CCDC170: variants seen among roughly 807,000 people sequenced by gnomAD.
CCDC170 encodes coiled-coil domain-containing protein 170.
CCDC170 carries 69 observed loss-of-function variants against 72.6 expected under a neutral mutation model. The observed-to-expected ratio is 0.95, with a 90% CI of 0.78 to 1.16. The LOEUF is 1.16. Ranked by LOEUF, CCDC170 falls within the 50% of genes most tolerant of loss-of-function variation. CCDC170 has a pLI of 0.00. For synonymous variants in CCDC170, 300 were observed against 303.9 expected (o/e 0.99, Z 0.13); for missense variants, 852 against 832.5 (o/e 1.02, Z -0.29).
At chr6:151,546,195 G>A (rs1410164765) in intron 4 of CCDC170, among the ~76,000 whole-genome samples, 2 of 152,140 alleles carry the variant, frequency 1.3e-5, no homozygotes, top group African/African-American at 4.8e-5. Context: ...TCCACTTCAC[G>A]GATGGGTTTT....
At chr6:151,617,002 A>G in intron 10 of CCDC170, among the ~76,000 whole-genome samples, 1 of 152,222 alleles carries the variant, frequency 6.6e-6, no homozygotes, top group East Asian at 1.9e-4. Flanking sequence ...AATAGCTAAA[A>G]ACCATTCCCA....
At chr6:151,511,964 A>G (rs1410490376) in intron 1 of CCDC170, among the ~76,000 whole-genome samples, 1 of 151,888 alleles carries the variant, frequency 6.6e-6, no homozygotes, top group Admixed American at 6.6e-5. Flanking sequence ...CTCCCACCTC[A>G]GCCTCCTGAG....
chr6:151,526,452 C>A (rs1782412058), intron 1 of CCDC170, among the ~76,000 whole-genome samples: 1 of 151,634 alleles, frequency 6.6e-6, no homozygotes, highest in South Asian at 2.1e-4. Context: ...AATCTCTTGA[C>A]CTAGTGATCC....
chr6:151,523,515 G>A (rs2001575), intron 1 of CCDC170, among the ~76,000 whole-genome samples: 13,343 of 151,744 alleles, frequency 0.088, 770 homozygotes, highest in African/African-American at 0.16. Context: ...GTGAAACCCC[G>A]TCTCTACTAA....
chr6:151,585,228 G>A (rs778829315), intron 6 of CCDC170, among the ~76,000 whole-genome samples: 1 of 152,106 alleles, frequency 6.6e-6, no homozygotes, highest in Non-Finnish European at 1.5e-5. Flanking sequence ...ACATGGGACA[G>A]TACTCAGATT....
rs1309169075 is a variant in CCDC170 at position 151,573,343 on chromosome 6, C to A, written c.944C>A (p.Ala315Glu). The A allele has an allele frequency of 2.5e-6, 4 of 1,614,028 alleles. No homozygotes were observed. The highest frequency in any genetic ancestry group is 1.6e-4 in the Middle Eastern group (1 of 6,084). ...AAGAGTTTGAAGGCCAGTCAGGATG[C>A]AGTCACAACCTCACAAAGCCAGTAC... ...LEKSLKASQD[A>E]VTTSQSQYFS... The change falls in exon 6 of 11, where the codon GCA becomes GAA. Residue 315 changes from alanine to glutamate, a missense_variant. By Grantham distance (107) the Ala-to-Glu change is moderately radical. Transcript: ENST00000239374.
chr6:151,577,047 C>T (rs1373921793), intron 6 of CCDC170, among the ~76,000 whole-genome samples: 4 of 152,116 alleles, frequency 2.6e-5, no homozygotes, highest in East Asian at 1.9e-4. Flanking sequence ...TTTTACAGCA[C>T]GTCATTTCTA....
intron 1 of CCDC170, among the ~76,000 whole-genome samples, chr6:151,515,392 C>T (rs1423373509): frequency 6.6e-6 from 1 of 152,236 alleles, no homozygotes; most frequent in Non-Finnish European, 1.5e-5. Flanking sequence ...AAGCGATTCT[C>T]CTGCCTCAGC....
Position 151,620,914 on chromosome 6 carries a change from A to G in CCDC170, c.*2767A>G, listed in dbSNP as rs1208190899. 1 of 152,188 alleles carries G rather than the reference A, an allele frequency of 6.6e-6. No individual in the cohort carries two copies. Among genetic ancestry groups the G allele is most frequent in the Non-Finnish European group, 1.5e-5 (1 of 68,040 alleles). The allele number at this position is 152,188 out of a possible 1,614,324, so 9.4% of individuals were successfully genotyped here. A position where few individuals can be genotyped will look rare whatever the true frequency, so the allele number is the denominator to read the frequency against. On this transcript the variant is annotated 3_prime_UTR_variant, in exon 11 of 11. Transcript: ENST00000239374. ...CTGTAATTTCTGTTTATTACATGAAATTACATTCCATTTATCCAAATATAT... is the reference window on the plus strand; with the variant it reads ...CTGTAATTTCTGTTTATTACATGAAGTTACATTCCATTTATCCAAATATAT...
At chr6:151,600,555 C>T (rs1435478845) in intron 9 of CCDC170, among the ~76,000 whole-genome samples, 1 of 152,074 alleles carries the variant, frequency 6.6e-6, no homozygotes, top group Non-Finnish European at 1.5e-5. Flanking sequence ...TTACCTTAAT[C>T]ATTACCTGCA....
chr6:151,593,024 G>T, intron 7 of CCDC170, 83 bp from the exon 8 acceptor site: 7 of 1,419,274 alleles, frequency 4.9e-6, no homozygotes, highest in Non-Finnish European at 6.9e-6. Flanking sequence ...CTGTAAGCTT[G>T]GGAGAAAGAG....
In CCDC170 at chr6:151,513,397, G is replaced by A. The variant is rs552558384; in HGVS notation, c.57+19212G>A. Among the ~76,000 whole-genome samples the A allele has an allele frequency of 3.3e-5, 5 of 152,212 alleles. No individual in the cohort carries two copies. The East Asian group carries it at 9.7e-4, about 29-fold the overall frequency. On this transcript the variant is annotated intron_variant, in intron 1 of 10. Coordinates refer to ENST00000239374, the MANE Select transcript of CCDC170 (RefSeq NM_025059.4). ...TGCCAAGGCGGGCAGATCACTTGAG[G>A]TCAGGAGTTCAAGAACAGCCTGGCC...
chr6:151,498,731 A>C, intron 1 of CCDC170, among the ~76,000 whole-genome samples: 1 of 152,248 alleles, frequency 6.6e-6, no homozygotes, highest in South Asian at 2.1e-4. Context: ...ACGGTGTATA[A>C]GTGGAATCAG....
intron 1 of CCDC170, among the ~76,000 whole-genome samples, chr6:151,510,756 T>A (rs1473515929): frequency 1.1e-4 from 16 of 151,954 alleles, no homozygotes; most frequent in Non-Finnish European, 2.4e-4. Context: ...CTTTTTTTTT[T>A]ATAGAGTCTC....
chr6:151,563,471 G>T (rs1472732037), intron 5 of CCDC170, among the ~76,000 whole-genome samples: 2 of 152,288 alleles, frequency 1.3e-5, no homozygotes, highest in East Asian at 3.9e-4. Flanking sequence ...CAGGGATGCA[G>T]CTGCTCCTTG....
At chr6:151,559,034 A>G (rs1783034221) in intron 5 of CCDC170, among the ~76,000 whole-genome samples, 1 of 132,118 alleles carries the variant, frequency 7.6e-6, no homozygotes, top group Non-Finnish European at 1.6e-5. Context: ...TTTTTTCGAG[A>G]CAGAATCTTG....
chr6:151,540,304 C>G (rs981313835), intron 3 of CCDC170, among the ~76,000 whole-genome samples: 1 of 145,798 alleles, frequency 6.9e-6, no homozygotes, highest in Non-Finnish European at 1.5e-5. Context: ...GATCACCTCT[C>G]CATGTTTCTC....
chr6:151,599,961 C>T (rs1452861418), intron 9 of CCDC170, among the ~76,000 whole-genome samples: 2 of 152,126 alleles, frequency 1.3e-5, no homozygotes, highest in Non-Finnish European at 2.9e-5. Context: ...ATAGACAGAT[C>T]CACATACTTT....
At chr6:151,501,847 T>C (rs2115018554) in intron 1 of CCDC170, among the ~76,000 whole-genome samples, 1 of 152,258 alleles carries the variant, frequency 6.6e-6, no homozygotes, top group East Asian at 1.9e-4. Context: ...GACAACTTGA[T>C]TTTTTTTAAT....
Sources: gnomAD v4.1 joint callset for allele counts (sites outside exome capture counted in the v4.1 genomes callset) on GRCh38, gnomAD v4.1.1 for gene constraint, MANE v1.5 for transcripts, NCBI Gene and HGNC (gene_info 2026-07-23, HGNC 2026-07-21) for gene names.